RABGGTA: variants seen among roughly 807,000 people sequenced by gnomAD.
RABGGTA encodes the protein Rab geranylgeranyltransferase subunit alpha.
Under a neutral mutation model 83.3 loss-of-function variants are expected in RABGGTA, and 69 were observed. The observed-to-expected ratio is 0.83, with a 90% CI of 0.68 to 1.01. The LOEUF is 1.01. Among genes scored for constraint, RABGGTA ranks in the 50% least tolerant of loss-of-function variants. The pLI, the probability that RABGGTA is intolerant of heterozygous loss-of-function variation, is 0.00. For missense variants in RABGGTA, 681 were observed against 712.7 expected (o/e 0.96, Z 0.51); for synonymous variants, 310 against 299.8 (o/e 1.03, Z -0.35).
chr14:24,268,071 C>T (rs749916809), intron 12 of RABGGTA, 39 bp downstream of exon 12: 7 of 1,609,794 alleles, frequency 4.3e-6, no homozygotes, highest in East Asian at 4.5e-5. Context: ...GTTTCCTCAG[C>T]GGGCTCTGGG....
In RABGGTA at chr14:24,266,058, C is replaced by T. The variant is rs113870091; in HGVS notation, c.1556-295G>A. Among the ~76,000 whole-genome samples, 106 of 152,268 alleles carry T rather than the reference C, an allele frequency of 7.0e-4. 1 individual carries two copies. The highest frequency in any genetic ancestry group is 6.3e-4 in the African/African-American group (26 of 41,548). ...AGAGACATTTACTATTCAGCAATGA[C>T]CAAGGGCTGCTGAGTGAAAATACCA... On this transcript the variant is annotated intron_variant, in intron 16 of 16. Coordinates refer to ENST00000216840, the MANE Select transcript of RABGGTA (RefSeq NM_182836.3).
intron 16 of RABGGTA, 89 bp from the exon 17 acceptor site, chr14:24,265,852 G>A: frequency 2.7e-6 from 4 of 1,468,074 alleles, no homozygotes; most frequent in Non-Finnish European, 3.6e-6. Context: ...CTGCTGCCTG[G>A]AAGTCTGTTT....
chr14:24,266,679 G>C, intron 15 of RABGGTA, 97 bp downstream of exon 15: 1 of 1,284,268 alleles, frequency 7.8e-7, no homozygotes, highest in East Asian at 2.3e-5. Flanking sequence ...TCGGGGTGGA[G>C]GGTCCTGCAC....
Position 24,265,564 on chromosome 14 carries a change from T to G in RABGGTA, c.*51A>C. The G allele has an allele frequency of 6.3e-7, 1 of 1,580,652 alleles. No individual in the cohort carries two copies. Among genetic ancestry groups the G allele is most frequent in the South Asian group, 1.1e-5 (1 of 88,644 alleles). ...TGGTAGCCTGAGAGGGCCTCTCCAT[T>G]CTTTATTCAGTCCCAATAAGTTAAA... On this transcript the variant is annotated 3_prime_UTR_variant, in exon 17 of 17. Coordinates refer to ENST00000216840, the MANE Select transcript of RABGGTA (RefSeq NM_182836.3).
intron 14 of RABGGTA, 89 bp from the exon 15 acceptor site, chr14:24,266,978 C>A: frequency 1.0e-6 from 1 of 959,412 alleles, no homozygotes. Flanking sequence ...CACATGCCCT[C>A]TGTGCCCCAC....
At position 24,266,411 on chromosome 14, in the gene RABGGTA, C is replaced by G; in HGVS notation, c.1555+19G>C. Reference sequence around the variant, plus strand: ...CTCACTTTACCCACTGTCTGAAAGGCACCCAGAAGGAAGGATACGGTTGTT... The same window carrying G: ...CTCACTTTACCCACTGTCTGAAAGGGACCCAGAAGGAAGGATACGGTTGTT... On this transcript the variant is annotated intron_variant, in intron 16 of 16. Transcript: ENST00000216840. 6.2e-7 allele frequency: 1 copy of G among 1,612,942 alleles called. No homozygotes were observed. The highest frequency in any genetic ancestry group is 8.5e-7 in the Non-Finnish European group (1 of 1,178,942).
chr14:24,268,981 T>A lies in RABGGTA; in HGVS notation c.728A>T (p.Asp243Val), dbSNP rs142636626. 1.9e-6 allele frequency: 3 copies of A among 1,585,844 alleles called. No homozygotes were observed. Among genetic ancestry groups the A allele is most frequent in the Non-Finnish European group, 2.6e-6 (3 of 1,164,932 alleles). ...RWLLGRADPQ[D>V]ALRCLHVSRD... ...GCTCACATGCAGGCAGCGCAGTGCA[T>A]CCTGGGGGTCAGCTGCGGGGAGACA... is the stretch of plus-strand genomic sequence containing the variant. The change falls in exon 8 of 17, where the codon GAT (aspartate) becomes GTT (valine). Residue 243 changes from aspartate to valine, a missense_variant. Physicochemically the swap from Asp to Val is radical, Grantham distance 152. This residue lies in a region of RABGGTA where 421 missense variants were observed against 418.5 expected (regional missense o/e 1.01). Coordinates refer to ENST00000216840, the MANE Select transcript of RABGGTA (RefSeq NM_182836.3).
At chr14:24,269,214 C>G (rs2040912999) in intron 6 of RABGGTA, 51 bp from the exon 7 acceptor site, 12 of 1,512,630 alleles carry the variant, frequency 7.9e-6, no homozygotes, top group Non-Finnish European at 1.1e-5. Context: ...TGGTGAGCTC[C>G]TGGCCACTCC....
intron 9 of RABGGTA, 51 bp from the exon 10 acceptor site, chr14:24,268,670 G>C: frequency 1.2e-6 from 2 of 1,609,986 alleles, no homozygotes; most frequent in Non-Finnish European, 1.7e-6. Context: ...TTTTTTGACT[G>C]TCCCACCCAG....
rs1435369830 is a variant in RABGGTA, at chr14:24,270,581, A to G, written c.115-123T>C. On this transcript the variant is annotated intron_variant, in intron 3 of 16. Transcript: ENST00000216840. The stretch of plus-strand genomic sequence containing the variant: ...CATTATACAACAGGTACTATGAACC[A>G]TGCTTTATGGCCTTACAGGTATTCT... 4.6e-6 allele frequency: 6 copies of G among 1,317,366 alleles called. No homozygotes were observed. The South Asian group carries it at 5.4e-5, about 12-fold the overall frequency. The allele number at this position is 1,317,366 out of a possible 1,614,324, so 81.6% of individuals were successfully genotyped here. A position where few individuals can be genotyped will look rare whatever the true frequency, so the allele number is the denominator to read the frequency against.
In RABGGTA at chr14:24,266,482, C is replaced by G. The variant is rs34973999; in HGVS notation, c.1503G>C (p.Leu501=). ...LQASDNAIES[L]DGVTNLPRLQ... ...GCCGGGGTAGGTTGGTGACGCCGTC[C>G]AGGGACTCTATGGCATTATCACTGG... is the stretch of plus-strand genomic sequence containing the variant. The change falls in exon 16 of 17, where the codon CTG becomes CTC. Residue 501 remains leucine, a synonymous_variant. Transcript: ENST00000216840. The G allele has an allele frequency of 1.4e-5, 22 of 1,613,838 alleles. No homozygotes were observed. Among genetic ancestry groups the G allele is most frequent in the Non-Finnish European group, 1.9e-5 (22 of 1,179,906 alleles).
chr14:24,270,579 C>A lies in RABGGTA; in HGVS notation c.115-121G>T, dbSNP rs558226036. The A allele has an allele frequency of 1.4e-5, 19 of 1,343,942 alleles. 2 individuals carry two copies. In the South Asian group the frequency reaches 2.5e-4, roughly 18 times the overall value. 83.3% of individuals were successfully genotyped at this position (1,343,942 alleles called of 1,614,324 possible). On this transcript the variant is annotated intron_variant, in intron 3 of 16. Transcript: ENST00000216840. ...CACATTATACAACAGGTACTATGAA[C>A]CATGCTTTATGGCCTTACAGGTATT...
chr14:24,268,994 C>T lies in RABGGTA; in HGVS notation c.716-1G>A. 6.3e-7 allele frequency: 1 copy of T among 1,581,828 alleles called. No homozygotes were observed. The highest frequency in any genetic ancestry group is 8.6e-7 in the Non-Finnish European group (1 of 1,162,760). ...CAGCGCAGTGCATCCTGGGGGTCAG[C>T]TGCGGGGAGACAGTGTCAGATTTCT... On this transcript the variant is annotated splice_acceptor_variant, in intron 7 of 16. Transcript: ENST00000216840. LOFTEE classifies it high-confidence loss of function.
At chr14:24,269,416 C>G in intron 6 of RABGGTA, 75 bp downstream of exon 6, 1 of 1,483,006 alleles carries the variant, frequency 6.7e-7, no homozygotes. Context: ...GTGACAGGTT[C>G]AGGAACAGGG....
At position 24,269,642 on chromosome 14, in the gene RABGGTA, A is replaced by G. The variant is rs1490153402; in HGVS notation, c.480T>C (p.Pro160=). 2 of 1,613,946 alleles carry G rather than the reference A, an allele frequency of 1.2e-6. No homozygotes were observed. Among genetic ancestry groups the G allele is most frequent in the Non-Finnish European group, 1.7e-6 (2 of 1,179,870 alleles). Residue 160 remains proline, a synonymous_variant, in exon 6 of 17, where the codon CCT becomes CCC. Transcript: ENST00000216840. ...RFVATQAAVP[P]AEELAFTDSL... is the part of the protein sequence containing the mutation. ...TGTCAGTGAAGGCTAGCTCTTCTGC[A>G]GGGGGCACGGCTGCCTGTGTGGCCA...
At chr14:24,271,197 C>G in intron 1 of RABGGTA, 28 bp from the exon 2 acceptor site, 1 of 1,450,240 alleles carries the variant, frequency 6.9e-7, no homozygotes, top group Non-Finnish European at 9.2e-7. Flanking sequence ...AATCACGTAG[C>G]CCCGCCCCTA....
At position 24,269,619 on chromosome 14, in the gene RABGGTA, T is replaced by G. The variant is rs755458646; in HGVS notation, c.503A>C (p.Asp168Ala). ...VPPAEELAFT[D>A]SLITRNFSNY... is the part of the protein sequence containing the mutation. ...GGAGAAGTTTCGGGTGATGAGGCTG[T>G]CAGTGAAGGCTAGCTCTTCTGCAGG... is the stretch of plus-strand genomic sequence containing the variant. Residue 168 changes from aspartate to alanine, a missense_variant, in exon 6 of 17, where the codon GAC becomes GCC. Coordinates refer to ENST00000216840, the MANE Select transcript of RABGGTA (RefSeq NM_182836.3). 1.2e-6 allele frequency: 2 copies of G among 1,613,960 alleles called. No individual in the cohort carries two copies. Among genetic ancestry groups the G allele is most frequent in the Non-Finnish European group, 1.7e-6 (2 of 1,179,842 alleles).
chr14:24,268,251 G>A, intron 11 of RABGGTA, 53 bp from the exon 12 acceptor site: 3 of 1,607,378 alleles, frequency 1.9e-6, no homozygotes, highest in Non-Finnish European at 2.6e-6. Context: ...TGAAGCACTG[G>A]TCAACATTCC....
chr14:24,268,124 T>C lies in RABGGTA; in HGVS notation c.1133A>G (p.Glu378Gly). Residue 378 changes from glutamate (E) to glycine (G), a missense_variant, in exon 12 of 17, where the codon GAG becomes GGG. Around this residue, in one of 5 missense-constraint regions of RABGGTA, gnomAD observed 421 missense variants for 418.5 expected, o/e 1.01. Transcript: ENST00000216840. ...TGGGGCCTCACATTTATTCTCAGGC[T>C]CCAGCTCCTGCAGCTCCTTACAGGA... ...LESCKELQELEPENKWCLLTI... is the reference protein window; with the variant it reads ...LESCKELQELGPENKWCLLTI... 1 of 1,594,616 alleles carries C rather than the reference T, an allele frequency of 6.3e-7. No homozygotes were observed. Among genetic ancestry groups the C allele is most frequent in the African/African-American group, 1.3e-5 (1 of 74,162 alleles).
Sources: allele counts gnomAD v4.1 joint callset (sites outside exome capture counted in the v4.1 genomes callset), GRCh38; gene constraint gnomAD v4.1.1; regional missense constraint gnomAD v4.1.1; transcripts MANE v1.5; gene names NCBI Gene and HGNC (gene_info 2026-07-23, HGNC 2026-07-21).